ZNF341: variants seen among roughly 807,000 people sequenced by gnomAD.
The protein encoded by ZNF341 is zinc finger protein 341.
In ZNF341, 52 loss-of-function variants were observed where a neutral mutation model predicts 87.7. The ratio of observed to expected loss-of-function variants is 0.59; its 90% CI spans 0.47 to 0.75. The LOEUF is 0.75. Ranked by LOEUF, ZNF341 falls within the 30% of genes least tolerant of loss-of-function variation. ZNF341 has a pLI of 0.00. For missense variants in ZNF341, 977 were observed against 1,145.9 expected (o/e 0.85, Z 2.13); for synonymous variants, 459 against 472.7 (o/e 0.97, Z 0.38).
At chr20:33,755,384 T>C (rs376426958) in intron 5 of ZNF341, among the ~76,000 whole-genome samples, 11 of 150,500 alleles carry the variant, frequency 7.3e-5, no homozygotes, top group African/African-American at 2.7e-4. Context: ...TTGGTCTCCA[T>C]CTCCTGGCCT....
At chr20:33,761,769 T>A in intron 7 of ZNF341, 93 bp from the exon 8 acceptor site, 1 of 1,150,248 alleles carries the variant, frequency 8.7e-7, no homozygotes, top group Non-Finnish European at 1.2e-6. Context: ...CATCTGGATG[T>A]TCTTTCTGGG....
chr20:33,770,324 G>A (rs1337636514), intron 10 of ZNF341, 32 bp downstream of exon 10: 4 of 1,535,228 alleles, frequency 2.6e-6, no homozygotes, highest in Non-Finnish European at 3.6e-6. Flanking sequence ...CTCCCTGGGT[G>A]GACGGGTGGG....
At chr20:33,761,292 T>G (rs1317786200) in intron 7 of ZNF341, among the ~76,000 whole-genome samples, 1 of 151,968 alleles carries the variant, frequency 6.6e-6, no homozygotes, top group African/African-American at 2.4e-5. Flanking sequence ...TGAGATGGAG[T>G]CTCACTCTGT....
chr20:33,789,078 C>CTTTT, intron 13 of ZNF341, 104 bp downstream of exon 13: 2 of 608,050 alleles, frequency 3.3e-6, no homozygotes, highest in Non-Finnish European at 2.7e-6. Context: ...CAGGCCTCTC[C>CTTTT]TTTTTTTTTT....
intron 6 of ZNF341, among the ~76,000 whole-genome samples, chr20:33,757,738 G>T (rs934509657): frequency 6.6e-6 from 1 of 152,174 alleles, no homozygotes; most frequent in Admixed American, 6.5e-5. Context: ...GCTTCTAGAA[G>T]TTCTGTTTGA....
At chr20:33,768,049 A>G (rs2019444909) in intron 9 of ZNF341, among the ~76,000 whole-genome samples, 1 of 152,176 alleles carries the variant, frequency 6.6e-6, no homozygotes, top group Non-Finnish European at 1.5e-5. Flanking sequence ...GCAGTCCTCA[A>G]AGACTACTGA....
intron 1 of ZNF341, among the ~76,000 whole-genome samples, chr20:33,739,686 G>A (rs1397202660): frequency 6.6e-6 from 1 of 152,200 alleles, no homozygotes; most frequent in Non-Finnish European, 1.5e-5. Context: ...ACTGGCTAAC[G>A]TGATTTCTGG....
chr20:33,789,108 CTCTG>C (rs1451578817), intron 13 of ZNF341, 134 bp downstream of exon 13: 5 of 648,590 alleles, frequency 7.7e-6, no homozygotes, highest in South Asian at 2.0e-5. Flanking sequence ...CATAGTCTCA[CTCTG>C]TCATCCAGGC....
Position 33,757,241 on chromosome 20 carries a change from G to C in ZNF341, c.835G>C (p.Ala279Pro), listed in dbSNP as rs6057900. 5 of 1,604,352 alleles carry C rather than the reference G, an allele frequency of 3.1e-6. No homozygotes were observed. The South Asian group carries it at 5.6e-5, about 18-fold the overall frequency. The change falls in exon 6 of 15, where the codon GCC becomes CCC. Residue 279 changes from alanine to proline, a missense_variant. Ala to Pro is a conservative substitution (Grantham distance 27). Around this residue, in one of 3 missense-constraint regions of ZNF341, gnomAD observed 515 missense variants for 598.2 expected, o/e 0.86. Transcript: ENST00000375200. The stretch of plus-strand genomic sequence containing the variant: ...ATTCAAACCCAAAGGACCAAACCCC[G>C]CCGCCCCCATGACCAGCGCCACCGG... ...QGFKPKGPNP[A>P]APMTSATGGT...
chr20:33,762,591 G>A (rs1029827105), intron 8 of ZNF341, among the ~76,000 whole-genome samples: 6 of 150,960 alleles, frequency 4.0e-5, no homozygotes, highest in Non-Finnish European at 7.4e-5. Context: ...ATAGGTATAC[G>A]TGTGCCATGG....
intron 13 of ZNF341, 76 bp from the exon 14 acceptor site, chr20:33,789,442 C>T (rs745435279): frequency 4.4e-4 from 659 of 1,492,354 alleles, no homozygotes; most frequent in Non-Finnish European, 5.8e-4. Context: ...TCCCTTGTGC[C>T]CAGGGCTAGT....
In ZNF341 at chr20:33,732,067, G is replaced by GGC. The variant is rs1256612914; in HGVS notation, c.31+16_31+17dup. 2 of 1,267,626 alleles carry GGC rather than the reference G, an allele frequency of 1.6e-6. No homozygotes were observed. The highest frequency in any genetic ancestry group is 1.6e-5 in the African/African-American group (1 of 64,088). The allele number at this position is 1,267,626 out of a possible 1,614,324, so 78.5% of individuals were successfully genotyped here. A position where few individuals can be genotyped will look rare whatever the true frequency, so the allele number is the denominator to read the frequency against. ...GGCCCTGGAGGGTGAGCGGCGGCGG[G>GGC]GCCGGCGGAGGCGGCTGTTCCGCGC... On this transcript the variant is annotated intron_variant, in intron 1 of 14. Coordinates refer to ENST00000375200, the MANE Select transcript of ZNF341 (RefSeq NM_001282933.2). The surrounding 1 kb of genome is among the most constrained non-coding windows in gnomAD (Gnocchi z 4.5).
chr20:33,757,400 A>G (rs1035293057), intron 6 of ZNF341, 57 bp downstream of exon 6: 12 of 1,372,524 alleles, frequency 8.7e-6, no homozygotes, highest in Admixed American at 5.9e-5. Flanking sequence ...TCCACAAGCT[A>G]CTTGGTTCTG....
intron 2 of ZNF341, 24 bp downstream of exon 2, chr20:33,741,036 G>A (rs772467155): frequency 1.7e-5 from 27 of 1,603,888 alleles, no homozygotes; most frequent in East Asian, 4.5e-5. Context: ...CAGGTTCACC[G>A]GTGGGAGAGT....
chr20:33,740,828 G>A, intron 1 of ZNF341, 74 bp from the exon 2 acceptor site: 1 of 1,415,176 alleles, frequency 7.1e-7, no homozygotes, highest in South Asian at 1.2e-5. Flanking sequence ...TTTTGCCTGG[G>A]TCTGGCTTGT....
At chr20:33,789,429 C>A in intron 13 of ZNF341, 89 bp from the exon 14 acceptor site, 1 of 1,359,182 alleles carries the variant, frequency 7.4e-7, no homozygotes, top group Non-Finnish European at 1.1e-6. Context: ...GTGGACAAGG[C>A]TGTCCCTTGT....
rs975886013 is a variant in ZNF341, at chr20:33,790,861, T to C, written c.2036-127T>C. 1.7e-5 allele frequency: 19 copies of C among 1,130,600 alleles called. 1 individual carries two copies. The Middle Eastern group carries it at 1.2e-3, about 70-fold the overall frequency. The allele number at this position is 1,130,600 out of a possible 1,614,324, so 70.0% of individuals were successfully genotyped here. On this transcript the variant is annotated intron_variant, in intron 14 of 14. Coordinates refer to ENST00000375200, the MANE Select transcript of ZNF341 (RefSeq NM_001282933.2). Reference sequence around the variant, plus strand: ...GCTGGAAGAAGGCAGACGACGAGGGTGGAGAGAGCTGGGGCCAGATCACAC... The same window carrying C: ...GCTGGAAGAAGGCAGACGACGAGGGCGGAGAGAGCTGGGGCCAGATCACAC...
chr20:33,760,665 T>G (rs1407561117), intron 7 of ZNF341, among the ~76,000 whole-genome samples: 1 of 152,042 alleles, frequency 6.6e-6, no homozygotes, highest in East Asian at 1.9e-4. Context: ...TACCTCAGCC[T>G]CCTAAGTAGC....
chr20:33,767,517 G>A (rs1393581049), intron 9 of ZNF341, among the ~76,000 whole-genome samples: 4 of 151,748 alleles, frequency 2.6e-5, no homozygotes, highest in East Asian at 1.9e-4. Context: ...TGATCCACCC[G>A]CTTGGCCTCC....
Sources: gnomAD v4.1 joint callset for allele counts (sites outside exome capture counted in the v4.1 genomes callset) on GRCh38, gnomAD v4.1.1 for gene constraint, gnomAD v4.1.1 regional missense constraint, Gnocchi (gnomAD v3.1) non-coding constraint, MANE v1.5 for transcripts, NCBI Gene and HGNC (gene_info 2026-07-23, HGNC 2026-07-21) for gene names.